Variants in ASIC2 observed in about 807,000 individuals in gnomAD.
ASIC2 encodes the protein acid-sensing ion channel 2.
Under a neutral mutation model 57.3 loss-of-function variants are expected in ASIC2, and 25 were observed. That is an observed-to-expected ratio of 0.44 (90% CI 0.32 to 0.61). ASIC2 has a LOEUF of 0.61. Ranked by LOEUF, ASIC2 falls within the 20% of genes least tolerant of loss-of-function variation. ASIC2 has a pLI of 0.06. For missense variants in ASIC2, 641 were observed against 738.1 expected (o/e 0.87, Z 1.52); for synonymous variants, 319 against 307.5 (o/e 1.04, Z -0.39).
intron 1 of ASIC2, among the ~76,000 whole-genome samples, chr17:33,375,413 G>T (rs1301505483): frequency 6.6e-6 from 1 of 152,192 alleles, no homozygotes. Flanking sequence ...AGTGGCAGGA[G>T]AAGAGGTCAG....
In ASIC2 at chr17:33,981,764, G is replaced by T. The variant is rs531271993; in HGVS notation, c.555+174214C>A. ...AAGCACCATGCTTAACATTCTACAT[G>T]CATTATCTTATTTAATCCTCACAAT... On this transcript the variant is annotated intron_variant, in intron 1 of 9. Coordinates refer to the ASIC2 transcript ENST00000359872. 2.6e-5 allele frequency among the ~76,000 whole-genome samples: 4 copies of T among 152,224 alleles called. No homozygotes were observed. In the South Asian group the frequency reaches 6.2e-4, roughly 24 times the overall value.
At chr17:33,602,027 A>C (rs1905126004) in intron 1 of ASIC2, among the ~76,000 whole-genome samples, 1 of 152,194 alleles carries the variant, frequency 6.6e-6, no homozygotes, top group Non-Finnish European at 1.5e-5. Context: ...TCACAGGCTC[A>C]CAGCTTGTCT....
chr17:33,910,041 G>C (rs904396140), intron 1 of ASIC2, among the ~76,000 whole-genome samples: 1 of 152,160 alleles, frequency 6.6e-6, no homozygotes, highest in African/African-American at 2.4e-5. Context: ...GAATTGTTAT[G>C]AGTGTTAAAT....
intron 1 of ASIC2, among the ~76,000 whole-genome samples, chr17:33,895,244 C>A (rs556650646): frequency 1.3e-5 from 2 of 151,586 alleles, no homozygotes; most frequent in African/African-American, 4.8e-5. Flanking sequence ...CTTACTGCAA[C>A]CTCTGCCTCC....
chr17:33,056,802 G>A (rs114153722), intron 3 of ASIC2, among the ~76,000 whole-genome samples: 2,594 of 152,306 alleles, frequency 0.017, 66 homozygotes, highest in Middle Eastern at 0.061. Context: ...AGCTGAGCAC[G>A]TTTTCAGCTC....
chr17:34,095,608 TATATATATATATATATATATAA>T (rs1418362247), intron 1 of ASIC2, among the ~76,000 whole-genome samples: 3 of 10,392 alleles, frequency 2.9e-4, no homozygotes, highest in African/African-American at 7.9e-4. Flanking sequence ...AGGCAAATTT[TATATATATATATATATATATAA>T]TTTTATATAT....
intron 1 of ASIC2, among the ~76,000 whole-genome samples, chr17:34,053,784 A>T (rs2142055533): frequency 6.6e-6 from 1 of 152,368 alleles, no homozygotes. Context: ...AATCATATGC[A>T]GGTACTGGCA....
Position 33,031,299 on chromosome 17 carries a change from G to A in ASIC2, c.988-2907C>T, listed in dbSNP as rs546174964. On this transcript the variant is annotated intron_variant, in intron 3 of 9. Transcript: ENST00000225823. ...TTTCATCTAGATTTTTGAATTTGTG[G>A]GCATAAAGTTGTATGTAATATTCTT... is the stretch of plus-strand genomic sequence containing the variant. Among the ~76,000 whole-genome samples, 5 of 152,024 alleles carry A rather than the reference G, an allele frequency of 3.3e-5. No homozygotes were observed. The South Asian group carries it at 1.0e-3, about 32-fold the overall frequency.
intron 1 of ASIC2, among the ~76,000 whole-genome samples, chr17:33,894,346 CGTGCGTGTGTGTGTGTGTGTGT>C (rs1231134087): frequency 2.5e-4 from 22 of 87,324 alleles, no homozygotes; most frequent in Non-Finnish European, 6.0e-4. Context: ...TGCGTGCGTG[CGTGCGTGTGTGTGTGTGTGTGT>C]GTGTGTGTGT....
chr17:33,865,730 CTAAAACTTAGAGTATAA>C (rs1914215308), intron 1 of ASIC2, among the ~76,000 whole-genome samples: 1 of 140,576 alleles, frequency 7.1e-6, no homozygotes, highest in Non-Finnish European at 1.5e-5. Context: ...CACATGTACC[CTAAAACTTAGAGTATAA>C]TAAAAAAAAA....
intron 1 of ASIC2, among the ~76,000 whole-genome samples, chr17:34,060,317 A>C (rs1031424248): frequency 6.6e-6 from 1 of 152,214 alleles, no homozygotes; most frequent in East Asian, 1.9e-4. Flanking sequence ...TCAAGGGAAT[A>C]TCCTGTGAGA....
At chr17:33,920,342 G>A (rs1426676562) in intron 1 of ASIC2, among the ~76,000 whole-genome samples, 1 of 152,172 alleles carries the variant, frequency 6.6e-6, no homozygotes, top group Non-Finnish European at 1.5e-5. Context: ...TAAAGAAAAT[G>A]TGGTATATAT....
At chr17:33,821,836 C>A (rs1912753682) in intron 1 of ASIC2, among the ~76,000 whole-genome samples, 1 of 152,170 alleles carries the variant, frequency 6.6e-6, no homozygotes, top group African/African-American at 2.4e-5. Flanking sequence ...TTAGAGGTCA[C>A]TAATCCAATC....
At chr17:33,742,096 G>A (rs1463123213) in intron 1 of ASIC2, among the ~76,000 whole-genome samples, 1 of 152,236 alleles carries the variant, frequency 6.6e-6, no homozygotes, top group Non-Finnish European at 1.5e-5. Flanking sequence ...AGCATGGCCA[G>A]AGAAGATGTG....
At chr17:34,102,147 T>C (rs565832441) in intron 1 of ASIC2, among the ~76,000 whole-genome samples, 1 of 151,704 alleles carries the variant, frequency 6.6e-6, no homozygotes, top group Non-Finnish European at 1.5e-5. Context: ...CTGGCCAACA[T>C]GGTGAAACCC....
chr17:33,323,448 C>T (rs1906948079), intron 1 of ASIC2, among the ~76,000 whole-genome samples: 2 of 152,194 alleles, frequency 1.3e-5, no homozygotes, highest in African/African-American at 4.8e-5. Flanking sequence ...CACGGTGCCT[C>T]ACGCCTATAA....
intron 1 of ASIC2, among the ~76,000 whole-genome samples, chr17:33,860,864 C>A (rs1224477600): frequency 6.6e-6 from 1 of 152,160 alleles, no homozygotes; most frequent in Non-Finnish European, 1.5e-5. Context: ...CAAAGACATC[C>A]CACACACTGT....
chr17:33,925,598 G>T (rs1158288846), intron 1 of ASIC2, among the ~76,000 whole-genome samples: 1 of 152,216 alleles, frequency 6.6e-6, no homozygotes, highest in Non-Finnish European at 1.5e-5. Flanking sequence ...CCTTAGAAAG[G>T]TTGGGTTGAG....
intron 1 of ASIC2, among the ~76,000 whole-genome samples, chr17:33,182,216 A>G (rs1043024821): frequency 6.6e-6 from 1 of 152,136 alleles, no homozygotes; most frequent in Non-Finnish European, 1.5e-5. Context: ...ATTTGGAAGG[A>G]ACAGCCAATA....
Sources: gnomAD v4.1 joint callset for allele counts (sites outside exome capture counted in the v4.1 genomes callset) on GRCh38, gnomAD v4.1.1 for gene constraint, MANE v1.5 for transcripts, NCBI Gene and HGNC (gene_info 2026-07-23, HGNC 2026-07-21) for gene names.